Variants in DOCK4 observed in about 807,000 individuals in gnomAD.
DOCK4 encodes the protein dedicator of cytokinesis 4, also known as dedicator of cytokinesis protein 4.
Under a neutral mutation model 268.1 loss-of-function variants are expected in DOCK4, and 97 were observed. The observed-to-expected ratio is 0.36, with a 90% CI of 0.31 to 0.43. The LOEUF (loss-of-function observed/expected upper bound fraction) is 0.43. Among genes scored for constraint, DOCK4 ranks in the 20% least tolerant of loss-of-function variants. The probability of loss-of-function intolerance (pLI) is 1.00; values close to 1 mark genes in which losing one functional copy is unlikely to be tolerated. For synonymous variants in DOCK4, 954 were observed against 887.2 expected (o/e 1.08, Z -1.34); for missense variants, 2,145 against 2,455.7 (o/e 0.87, Z 2.67).
intron 42 of DOCK4, among the ~76,000 whole-genome samples, chr7:111,750,168 A>G (rs1796538187): frequency 6.6e-6 from 1 of 152,190 alleles, no homozygotes. Flanking sequence ...TCTTACCAGG[A>G]AGGATGGTAA....
intron 10 of DOCK4, among the ~76,000 whole-genome samples, chr7:111,943,674 T>C (rs1009172794): frequency 6.6e-6 from 1 of 152,174 alleles, no homozygotes; most frequent in Non-Finnish European, 1.5e-5. Context: ...CCAATTTTTT[T>C]CATAGACTCA....
chr7:111,741,357 GTTTA>G (rs1179644969), intron 46 of DOCK4, 143 bp from the exon 47 acceptor site: 5 of 1,417,590 alleles, frequency 3.5e-6, no homozygotes, highest in South Asian at 2.7e-5. Flanking sequence ...AAATGTTTGA[GTTTA>G]TTTATTTCTC....
chr7:111,983,850 G>GCACACACACA (rs1259883175), intron 7 of DOCK4, among the ~76,000 whole-genome samples: 1 of 60,302 alleles, frequency 1.7e-5, no homozygotes, highest in Non-Finnish European at 3.4e-5. Flanking sequence ...ACACACGCGC[G>GCACACACACA]CGCGCGCGCG....
chr7:112,107,721 T>C (rs1563091450), intron 1 of DOCK4, among the ~76,000 whole-genome samples: 1 of 152,160 alleles, frequency 6.6e-6, no homozygotes, highest in Non-Finnish European at 1.5e-5. Flanking sequence ...TAGAGATGCG[T>C]AGAATTCTGA....
intron 7 of DOCK4, among the ~76,000 whole-genome samples, chr7:111,983,834 G>GCACA (rs1798793044): frequency 7.8e-6 from 1 of 127,830 alleles, no homozygotes; most frequent in African/African-American, 3.5e-5. Flanking sequence ...TATTATGTAT[G>GCACA]TACACACACA....
At chr7:111,884,726 G>C (rs1385282290) in intron 16 of DOCK4, among the ~76,000 whole-genome samples, 1 of 152,156 alleles carries the variant, frequency 6.6e-6, no homozygotes, top group Admixed American at 6.5e-5. Flanking sequence ...AAGGTAGGGA[G>C]GAAGGGCAGG....
intron 7 of DOCK4, among the ~76,000 whole-genome samples, chr7:111,978,580 G>C (rs932278565): frequency 3.9e-5 from 6 of 152,154 alleles, no homozygotes; most frequent in Middle Eastern, 3.2e-3. Flanking sequence ...TTTGACATGA[G>C]ACTGGGCAGG....
intron 7 of DOCK4, among the ~76,000 whole-genome samples, chr7:111,984,056 G>C (rs1255711233): frequency 6.6e-6 from 1 of 152,126 alleles, no homozygotes; most frequent in Non-Finnish European, 1.5e-5. Flanking sequence ...CAAAAGAACT[G>C]AAAACATCTT....
chr7:112,121,812 C>T (rs1373820937), intron 1 of DOCK4, among the ~76,000 whole-genome samples: 1 of 152,142 alleles, frequency 6.6e-6, no homozygotes, highest in Admixed American at 6.5e-5. Flanking sequence ...CCCACTCATG[C>T]GCTGAAACTG....
intron 8 of DOCK4, among the ~76,000 whole-genome samples, chr7:111,969,433 TAAAA>T (rs199647856): frequency 7.4e-6 from 1 of 134,646 alleles, no homozygotes; most frequent in Non-Finnish European, 1.5e-5. Context: ...TTTTTTCTAT[TAAAA>T]AAACAAAAAA....
chr7:111,897,996 A>C (rs1440759705), intron 15 of DOCK4, among the ~76,000 whole-genome samples: 1 of 152,150 alleles, frequency 6.6e-6, no homozygotes, highest in African/African-American at 2.4e-5. Flanking sequence ...AATGCAGAAC[A>C]CTTTAAATCT....
At chr7:111,743,914 G>A (rs1161442807) in intron 44 of DOCK4, among the ~76,000 whole-genome samples, 1 of 152,112 alleles carries the variant, frequency 6.6e-6, no homozygotes, top group Non-Finnish European at 1.5e-5. Flanking sequence ...CGAACTCCTG[G>A]GCTAAGGTGA....
At chr7:111,766,543 C>T (rs1797771956) in intron 38 of DOCK4, among the ~76,000 whole-genome samples, 2 of 152,170 alleles carry the variant, frequency 1.3e-5, no homozygotes, top group South Asian at 2.1e-4. Flanking sequence ...GAATACTCAA[C>T]TCCTTGAGCT....
chr7:111,896,503 T>TTC (rs1554361618), intron 15 of DOCK4, among the ~76,000 whole-genome samples: 1 of 151,498 alleles, frequency 6.6e-6, no homozygotes, highest in African/African-American at 2.4e-5. Context: ...TTTTTTTTTT[T>TTC]TTTCCTCCAA....
intron 1 of DOCK4, among the ~76,000 whole-genome samples, chr7:112,021,171 A>G (rs192495947): frequency 1.3e-5 from 2 of 152,204 alleles, no homozygotes; most frequent in African/African-American, 4.8e-5. Flanking sequence ...TTTATATTTA[A>G]GAATAAAAAA....
At chr7:111,990,448 C>T (rs1373048141) in intron 5 of DOCK4, among the ~76,000 whole-genome samples, 1 of 152,194 alleles carries the variant, frequency 6.6e-6, no homozygotes, top group Non-Finnish European at 1.5e-5. Flanking sequence ...CAGCTGTAAG[C>T]TGCCAGAAAT....
At chr7:111,986,214 T>C (rs548632595) in intron 6 of DOCK4, among the ~76,000 whole-genome samples, 2 of 152,284 alleles carry the variant, frequency 1.3e-5, no homozygotes, top group East Asian at 3.9e-4. Context: ...GATTCCTTCC[T>C]TGAGAATCTG....
chr7:112,071,308 C>T (rs1554435089), intron 1 of DOCK4, among the ~76,000 whole-genome samples: 4 of 152,086 alleles, frequency 2.6e-5, no homozygotes, highest in Non-Finnish European at 5.9e-5. Flanking sequence ...TTAATTATTA[C>T]TTCATTTCTC....
chr7:111,828,520 G>C (rs1802568604), intron 26 of DOCK4, among the ~76,000 whole-genome samples: 1 of 151,994 alleles, frequency 6.6e-6, no homozygotes, highest in Admixed American at 6.6e-5. Flanking sequence ...CTGTTAAAAA[G>C]AAAGGAAAAA....
Sources: gnomAD v4.1 joint callset for allele counts (sites outside exome capture counted in the v4.1 genomes callset) on GRCh38, gnomAD v4.1.1 for gene constraint, MANE v1.5 for transcripts, NCBI Gene and HGNC (gene_info 2026-07-23, HGNC 2026-07-21) for gene names.